The following MTHFD1L variants were observed in gnomAD, a reference collection of about 807,000 sequenced individuals.
The protein encoded by MTHFD1L is methylenetetrahydrofolate dehydrogenase (NADP+ dependent) 1 like.
Under a neutral mutation model 119.5 loss-of-function variants are expected in MTHFD1L, and 81 were observed. The observed-to-expected ratio is 0.68, with a 90% CI of 0.57 to 0.82. The LOEUF is 0.82. MTHFD1L is among the 40% of genes least tolerant of loss of function. The pLI, the probability that MTHFD1L is intolerant of heterozygous loss-of-function variation, is 0.00. For synonymous variants in MTHFD1L, 430 were observed against 475.2 expected, an observed-to-expected ratio of 0.90 and a Z score of 1.24; for missense variants, 1,125 against 1,253.4, an observed-to-expected ratio of 0.90 and a Z score of 1.55.
At chr6:150,971,834 T>A in intron 19 of MTHFD1L, 113 bp from the exon 20 acceptor site, 1 of 796,924 alleles carries the variant, frequency 1.3e-6, no homozygotes. Context: ...ATTTTATGCA[T>A]TAAATATGCA....
intron 26 of MTHFD1L, among the ~76,000 whole-genome samples, chr6:151,066,671 A>T (rs1015257323): frequency 2.0e-5 from 3 of 151,308 alleles, no homozygotes; most frequent in African/African-American, 4.9e-5. Context: ...AGGCTGAGGC[A>T]GGAGAATGGC....
rs1246664447 is a variant in MTHFD1L, at chr6:151,039,533, C to T, written c.2847+2416C>T. ...CTTCCCAAGTAGCTGTGACTACAGG[C>T]TCATGCCACTGTGCCAGGCCTGTGT... On this transcript the variant is annotated intron_variant, in intron 26 of 27. Coordinates refer to ENST00000367321, the MANE Select transcript of MTHFD1L (RefSeq NM_015440.5). The surrounding 1 kb of genome is among the most constrained non-coding windows in gnomAD (Gnocchi z 4.4). Among the ~76,000 whole-genome samples the T allele has an allele frequency of 6.6e-6, 1 of 152,148 alleles. No individual in the cohort carries two copies. The highest frequency in any genetic ancestry group is 1.5e-5 in the Non-Finnish European group (1 of 68,034).
At chr6:150,966,794 A>C (rs1055653100) in intron 19 of MTHFD1L, among the ~76,000 whole-genome samples, 2 of 152,246 alleles carry the variant, frequency 1.3e-5, no homozygotes. Flanking sequence ...ACTGCACTCC[A>C]GCCTGGGCGA....
At chr6:150,971,082 G>A (rs1455996112) in intron 19 of MTHFD1L, among the ~76,000 whole-genome samples, 1 of 152,166 alleles carries the variant, frequency 6.6e-6, no homozygotes, top group Admixed American at 6.5e-5. Context: ...GTAGAATAGT[G>A]GTTATCAGAG....
At chr6:150,975,207 G>T (rs185807012) in intron 20 of MTHFD1L, among the ~76,000 whole-genome samples, 148 of 152,196 alleles carry the variant, frequency 9.7e-4, no homozygotes, top group African/African-American at 3.4e-3. Flanking sequence ...TCTAAAAATC[G>T]TGCTCTATGA....
chr6:151,100,776 A>G (rs914224940), intron 27 of MTHFD1L, among the ~76,000 whole-genome samples: 1 of 152,024 alleles, frequency 6.6e-6, no homozygotes, highest in Non-Finnish European at 1.5e-5. Flanking sequence ...ATGAACTTCC[A>G]TGTTGTCCTA....
rs1179635660 is a variant in MTHFD1L, at chr6:151,006,117, A to C, written c.2126-3702A>C. Among the ~76,000 whole-genome samples the C allele has an allele frequency of 3.3e-5, 5 of 149,300 alleles. No individual in the cohort carries two copies. In the East Asian group the frequency reaches 1.0e-3, roughly 31 times the overall value. ...CGTGGTCCCGCCCTCCATGTGGGAG[A>C]CGGCACGTCAGTGTACTTAGGATGC... On this transcript the variant is annotated intron_variant, in intron 20 of 27. Coordinates refer to ENST00000367321, the MANE Select transcript of MTHFD1L (RefSeq NM_015440.5).
Position 150,926,243 on chromosome 6 carries a change from G to A in MTHFD1L, c.1204G>A (p.Val402Met), listed in dbSNP as rs751475807. ...AAGCAAAGCCAAAGTACGTTTGTCC[G>A]TGCTAGAAAGGTTAAAGGATCAAGC... ...GKSKAKVRLS[V>M]LERLKDQADG... The change falls in exon 11 of 28, where the codon GTG becomes ATG. Residue 402 changes from valine (V) to methionine (M), a missense_variant. Transcript: ENST00000367321. The surrounding 1 kb of genome is among the most constrained non-coding windows in gnomAD (Gnocchi z 4.3). 1.9e-5 allele frequency: 30 copies of A among 1,614,078 alleles called. No individual in the cohort carries two copies. Among genetic ancestry groups the A allele is most frequent in the Admixed American group, 1.5e-4 (9 of 60,020 alleles).
At chr6:151,078,282 T>C (rs1280631367) in intron 26 of MTHFD1L, among the ~76,000 whole-genome samples, 3 of 151,812 alleles carry the variant, frequency 2.0e-5, no homozygotes, top group Non-Finnish European at 2.9e-5. Context: ...TACAAAGAAA[T>C]AAAAGAAGAA....
chr6:150,998,995 A>AAAAAAAAATGTATATAT (rs986639098), intron 20 of MTHFD1L, among the ~76,000 whole-genome samples: 4 of 143,572 alleles, frequency 2.8e-5, no homozygotes, highest in Admixed American at 7.0e-5. Flanking sequence ...GTCTTAAAAA[A>AAAAAAAAATGTATATAT]ATATATATAC....
chr6:151,075,445 A>G (rs1792388567), intron 26 of MTHFD1L, among the ~76,000 whole-genome samples: 1 of 152,180 alleles, frequency 6.6e-6, no homozygotes, highest in African/African-American at 2.4e-5. Context: ...AACAGGACAT[A>G]GCAGTTCTAA....
At chr6:150,997,646 C>G (rs913256420) in intron 20 of MTHFD1L, among the ~76,000 whole-genome samples, 1 of 152,084 alleles carries the variant, frequency 6.6e-6, no homozygotes, top group African/African-American at 2.4e-5. Context: ...CAAAAATTAG[C>G]CAGGTGTGGT....
At chr6:150,912,617 A>G (rs1338801008) in intron 8 of MTHFD1L, 4 of 467,676 alleles carry the variant, frequency 8.6e-6, no homozygotes, top group South Asian at 1.6e-5. Context: ...GGTGGTTCTG[A>G]TTTCTGAGGA....
intron 7 of MTHFD1L, among the ~76,000 whole-genome samples, chr6:150,888,361 G>A (rs1782669693): frequency 1.3e-5 from 2 of 152,180 alleles, no homozygotes; most frequent in Non-Finnish European, 2.9e-5. Context: ...AGCGAAATCT[G>A]AGAACACCAA....
chr6:150,932,012 AT>A (rs1345327151), intron 11 of MTHFD1L, among the ~76,000 whole-genome samples: 3 of 151,772 alleles, frequency 2.0e-5, no homozygotes, highest in Non-Finnish European at 4.4e-5. Context: ...AAATACAAAA[AT>A]TAGCTGGGCA....
intron 18 of MTHFD1L, among the ~76,000 whole-genome samples, chr6:150,964,159 G>C (rs570682085): frequency 6.6e-6 from 1 of 152,266 alleles, no homozygotes; most frequent in South Asian, 2.1e-4. Context: ...CTCAAAAAAA[G>C]AAAGAAAAGA....
intron 4 of MTHFD1L, among the ~76,000 whole-genome samples, chr6:150,879,983 C>T (rs1450154525): frequency 6.6e-6 from 1 of 152,110 alleles, no homozygotes; most frequent in Non-Finnish European, 1.5e-5. Flanking sequence ...ATAATTGACA[C>T]ATAATAATTG....
intron 20 of MTHFD1L, among the ~76,000 whole-genome samples, chr6:150,975,308 T>C (rs1293750316): frequency 6.6e-6 from 1 of 152,200 alleles, no homozygotes; most frequent in Non-Finnish European, 1.5e-5. Flanking sequence ...GAAGGTGGTG[T>C]GTCCATGCTG....
chr6:151,084,731 C>G (rs2346515), intron 26 of MTHFD1L, among the ~76,000 whole-genome samples: 1 of 151,418 alleles, frequency 6.6e-6, no homozygotes, highest in African/African-American at 2.4e-5. Flanking sequence ...TTTGGGAGGC[C>G]GAGGCGGGCA....
Sources: allele counts gnomAD v4.1 joint callset (sites outside exome capture counted in the v4.1 genomes callset), GRCh38; gene constraint gnomAD v4.1.1; non-coding constraint Gnocchi (gnomAD v3.1); transcripts MANE v1.5; gene names NCBI Gene and HGNC (gene_info 2026-07-23, HGNC 2026-07-21).